ARHGEF3: variants seen among roughly 807,000 people sequenced by gnomAD.
ARHGEF3 encodes 59.8 kDA protein.
Under a neutral mutation model 63.2 loss-of-function variants are expected in ARHGEF3, and 28 were observed. The observed-to-expected ratio is 0.44, with a 90% CI of 0.33 to 0.61. ARHGEF3 has a LOEUF of 0.61. Among genes scored for constraint, ARHGEF3 ranks in the 20% least tolerant of loss-of-function variants. The probability of loss-of-function intolerance (pLI) is 0.03; values close to 1 mark genes in which losing one functional copy is unlikely to be tolerated. For missense variants in ARHGEF3, 533 were observed against 659.3 expected (o/e 0.81, Z 2.10); for synonymous variants, 266 against 254.2 (o/e 1.05, Z -0.44).
intron 3 of ARHGEF3, chr3:56,916,526 C>T: frequency 7.4e-7 from 1 of 1,343,990 alleles, no homozygotes; most frequent in African/African-American, 1.5e-5. Flanking sequence ...AGAGCCGCAC[C>T]AGTCAAGAGC....
At chr3:56,888,735 T>C (rs577704469) in intron 3 of ARHGEF3, among the ~76,000 whole-genome samples, 1 of 152,020 alleles carries the variant, frequency 6.6e-6, no homozygotes, top group Non-Finnish European at 1.5e-5. Context: ...AAACCCCGTC[T>C]CTACTAAAAA....
chr3:56,758,385 T>C (rs2035226142), intron 2 of ARHGEF3, among the ~76,000 whole-genome samples: 1 of 151,616 alleles, frequency 6.6e-6, no homozygotes, highest in Admixed American at 6.6e-5. Context: ...AGCTGAGGAG[T>C]TCGAGACCAC....
At chr3:56,784,842 C>CT (rs1199413041) in intron 1 of ARHGEF3, among the ~76,000 whole-genome samples, 2 of 152,278 alleles carry the variant, frequency 1.3e-5, no homozygotes, top group East Asian at 3.9e-4. Flanking sequence ...ACCCTACGAC[C>CT]TTGGGCCCAA....
intron 2 of ARHGEF3, among the ~76,000 whole-genome samples, chr3:56,987,884 T>C (rs1413167062): frequency 2.6e-5 from 4 of 152,198 alleles, no homozygotes; most frequent in Non-Finnish European, 4.4e-5. Context: ...ACTAAAATAA[T>C]TAAAATTAGC....
At chr3:56,856,346 C>A (rs147232678) in intron 4 of ARHGEF3, among the ~76,000 whole-genome samples, 2 of 152,152 alleles carry the variant, frequency 1.3e-5, no homozygotes, top group East Asian at 3.8e-4. Flanking sequence ...CTTTCTCTAG[C>A]CTTTTACTCC....
intron 2 of ARHGEF3, among the ~76,000 whole-genome samples, chr3:56,983,718 A>C (rs1231542990): frequency 6.6e-6 from 1 of 152,092 alleles, no homozygotes; most frequent in Non-Finnish European, 1.5e-5. Flanking sequence ...CGGGCGGATC[A>C]TGAGGTCAGG....
intron 3 of ARHGEF3, among the ~76,000 whole-genome samples, chr3:56,956,889 T>C (rs1405153868): frequency 1.3e-5 from 2 of 152,230 alleles, no homozygotes; most frequent in Non-Finnish European, 2.9e-5. Flanking sequence ...GCATACAATC[T>C]ACTTGGTCAA....
At chr3:56,935,262 T>C (rs558222747) in intron 3 of ARHGEF3, among the ~76,000 whole-genome samples, 9 of 152,264 alleles carry the variant, frequency 5.9e-5, no homozygotes, top group African/African-American at 2.2e-4. Context: ...ATCTAACTAA[T>C]CTGATGGGGA....
chr3:56,801,969 G>A, upstream of ARHGEF3: 1 of 1,526,342 alleles, frequency 6.6e-7, no homozygotes. Context: ...AGCCGAGTGG[G>A]CGGGACCGTG....
intron 1 of ARHGEF3, chr3:56,775,739 AT>A: frequency 6.2e-6 from 6 of 960,970 alleles, no homozygotes; most frequent in Non-Finnish European, 7.4e-6. Context: ...GGTTTAAAAC[AT>A]TTTTTTACGT....
At position 57,010,278 on chromosome 3, in the gene ARHGEF3, C is replaced by T. The variant is rs549505316; in HGVS notation, c.62+24810G>A. 2.0e-5 allele frequency among the ~76,000 whole-genome samples: 3 copies of T among 152,066 alleles called. No homozygotes were observed. The South Asian group carries it at 6.2e-4, about 32-fold the overall frequency. On this transcript the variant is annotated intron_variant, in intron 2 of 12. Transcript: ENST00000338458. Reference sequence around the variant, plus strand: ...GACCATCCTGGCTAACATGGTGAAACCCCATCTCTACTAAAAATACAAAAA... The same window carrying T: ...GACCATCCTGGCTAACATGGTGAAATCCCATCTCTACTAAAAATACAAAAA...
At chr3:56,962,861 C>A (rs957057822) in intron 2 of ARHGEF3, among the ~76,000 whole-genome samples, 1 of 152,132 alleles carries the variant, frequency 6.6e-6, no homozygotes, top group Non-Finnish European at 1.5e-5. Flanking sequence ...CAGCAATAGG[C>A]CTTAGGGTTA....
In ARHGEF3 at chr3:56,835,350, A is replaced by T. The variant is rs564621198; in HGVS notation, c.192+46942T>A. Among the ~76,000 whole-genome samples, 5 of 151,666 alleles carry T rather than the reference A, an allele frequency of 3.3e-5. No homozygotes were observed. In the East Asian group the frequency reaches 9.7e-4, roughly 29 times the overall value. On this transcript the variant is annotated intron_variant, in intron 4 of 12. Coordinates refer to the ARHGEF3 transcript ENST00000338458. ...ACCACCATGCCCGGCTAATTTTTGT[A>T]TTTTTAGTAGAGATGGGGTTTCACC...
intron 4 of ARHGEF3, among the ~76,000 whole-genome samples, chr3:56,752,242 G>A (rs999035220): frequency 3.3e-5 from 5 of 152,068 alleles, no homozygotes; most frequent in Non-Finnish European, 5.9e-5. Flanking sequence ...TTTTTTAGTA[G>A]AGACAGGGTT....
chr3:56,957,851 G>GC (rs1448667852), intron 3 of ARHGEF3, among the ~76,000 whole-genome samples: 1 of 152,186 alleles, frequency 6.6e-6, no homozygotes, highest in African/African-American at 2.4e-5. Flanking sequence ...CTCTACAGAT[G>GC]CAAGTTTTGC....
intron 2 of ARHGEF3, among the ~76,000 whole-genome samples, chr3:56,995,486 G>C (rs1026921872): frequency 2.6e-5 from 4 of 152,098 alleles, no homozygotes; most frequent in African/African-American, 9.7e-5. Flanking sequence ...GATAAGATCA[G>C]GCAGTGAGGA....
intron 4 of ARHGEF3, among the ~76,000 whole-genome samples, chr3:56,823,219 T>C (rs1466918493): frequency 6.6e-6 from 1 of 152,188 alleles, no homozygotes; most frequent in Non-Finnish European, 1.5e-5. Context: ...TATAAATGTA[T>C]GTCTTAAATA....
chr3:57,037,237 C>T (rs994119430), intron 1 of ARHGEF3, among the ~76,000 whole-genome samples: 21 of 151,854 alleles, frequency 1.4e-4, no homozygotes, highest in Admixed American at 5.3e-4. Flanking sequence ...TTCAGAGTCC[C>T]GGAGTTGCCA....
At chr3:56,855,031 G>T (rs2039819785) in intron 4 of ARHGEF3, among the ~76,000 whole-genome samples, 1 of 152,098 alleles carries the variant, frequency 6.6e-6, no homozygotes, top group Non-Finnish European at 1.5e-5. Flanking sequence ...ACTAGATATG[G>T]CCATGGCAAG....
Sources: gnomAD v4.1 joint callset for allele counts (sites outside exome capture counted in the v4.1 genomes callset) on GRCh38, gnomAD v4.1.1 for gene constraint, MANE v1.5 for transcripts, NCBI Gene and HGNC (gene_info 2026-07-23, HGNC 2026-07-21) for gene names.